SMURF2: variants seen among roughly 807,000 people sequenced by gnomAD.
SMURF2 encodes the protein E3 ubiquitin-protein ligase SMURF2.
In SMURF2, 48 loss-of-function variants were observed where a neutral mutation model predicts 109.6. The observed-to-expected ratio is 0.44, with a 90% CI of 0.35 to 0.56. SMURF2 has a LOEUF of 0.56. Ranked by LOEUF, SMURF2 falls within the 20% of genes least tolerant of loss-of-function variation. The pLI is 0.01. For synonymous variants in SMURF2, 288 were observed against 317.1 expected (o/e 0.91, Z 0.97); for missense variants, 575 against 909.0 (o/e 0.63, Z 4.72).
chr17:64,608,748 T>C (rs933021266), intron 1 of SMURF2, among the ~76,000 whole-genome samples: 1 of 152,158 alleles, frequency 6.6e-6, no homozygotes, highest in Non-Finnish European at 1.5e-5. Flanking sequence ...TTCCTTCCAC[T>C]GACAATGTCT....
rs974912323 is a variant in SMURF2 at position 64,547,202 on chromosome 17, T to G, written c.2071+398A>C. The stretch of plus-strand genomic sequence containing the variant: ...GATGGTTTCCATGACCCATGCTGCT[T>G]CTGTCTAATAAGAGAAAGAACGAAA... On this transcript the variant is annotated intron_variant, in intron 17 of 18. Coordinates refer to ENST00000262435, the MANE Select transcript of SMURF2 (RefSeq NM_022739.4). The surrounding 1 kb of genome is among the most constrained non-coding windows in gnomAD (Gnocchi z 4.2). Among the ~76,000 whole-genome samples the G allele has an allele frequency of 6.6e-6, 1 of 152,200 alleles. No individual in the cohort carries two copies. Among genetic ancestry groups the G allele is most frequent in the African/African-American group, 2.4e-5 (1 of 41,432 alleles).
intron 16 of SMURF2, among the ~76,000 whole-genome samples, chr17:64,550,679 C>T (rs1969031092): frequency 6.7e-6 from 1 of 148,600 alleles, no homozygotes; most frequent in Admixed American, 7.1e-5. Context: ...ACTTGGGAGG[C>T]TGAGGCAGGA....
intron 3 of SMURF2, among the ~76,000 whole-genome samples, chr17:64,595,260 T>C (rs1161497011): frequency 6.6e-6 from 1 of 152,250 alleles, no homozygotes; most frequent in African/African-American, 2.4e-5. Context: ...CTAAAAATTA[T>C]GAAATATATT....
Position 64,606,626 on chromosome 17 carries a change from T to A in SMURF2, c.67A>T (p.Asn23Tyr), listed in dbSNP as rs1555689076. ...CGGAAAAAATCCTTTTTCACCAGGT[T>A]TTTTGCACAGAGTACTGTAAAAAAA... ...KLRLTVLCAK[N>Y]LVKKDFFRLP... is the part of the protein sequence containing the mutation. The change falls in exon 2 of 19, where the codon AAC becomes TAC. Residue 23 changes from asparagine to tyrosine, a missense_variant. By Grantham distance (143) the Asn-to-Tyr change is moderately radical. Around this residue, in one of 5 missense-constraint regions of SMURF2, gnomAD observed 30 missense variants for 34.5 expected, o/e 0.87. Coordinates refer to ENST00000262435, the MANE Select transcript of SMURF2 (RefSeq NM_022739.4). The A allele has an allele frequency of 6.4e-7, 1 of 1,552,300 alleles. No homozygotes were observed. The highest frequency in any genetic ancestry group is 1.9e-5 in the Admixed American group (1 of 51,320).
At chr17:64,608,043 A>AAATAAATAAATAAATC (rs1401811277) in intron 1 of SMURF2, among the ~76,000 whole-genome samples, 6 of 148,824 alleles carry the variant, frequency 4.0e-5, no homozygotes, top group Non-Finnish European at 5.9e-5. Context: ...ATAAATAAAT[A>AAATAAATAAATAAATC]AATCTGCTTA....
intron 1 of SMURF2, among the ~76,000 whole-genome samples, chr17:64,632,711 A>T (rs532814098): frequency 6.6e-6 from 1 of 152,356 alleles, no homozygotes; most frequent in South Asian, 2.1e-4. Context: ...AGACCTAAAC[A>T]ATTTAGGAAG....
At chr17:64,596,038 ATTTT>A (rs199911606) in intron 3 of SMURF2, among the ~76,000 whole-genome samples, 1 of 148,674 alleles carries the variant, frequency 6.7e-6, no homozygotes, top group Non-Finnish European at 1.5e-5. Flanking sequence ...TAAACCACTG[ATTTT>A]TTTTTTTCTT....
At chr17:64,634,852 CAG>C (rs1970394585) in intron 1 of SMURF2, among the ~76,000 whole-genome samples, 1 of 152,152 alleles carries the variant, frequency 6.6e-6, no homozygotes, top group Non-Finnish European at 1.5e-5. Flanking sequence ...CTGGAGTTTA[CAG>C]AGTTTGGAGG....
chr17:64,634,370 G>A (rs1970387456), intron 1 of SMURF2, among the ~76,000 whole-genome samples: 1 of 152,084 alleles, frequency 6.6e-6, no homozygotes, highest in Non-Finnish European at 1.5e-5. Context: ...TGTGAGGTTG[G>A]GTAAGAACAC....
intron 8 of SMURF2, among the ~76,000 whole-genome samples, chr17:64,579,313 C>A (rs1555686319): frequency 2.0e-5 from 3 of 151,606 alleles, no homozygotes; most frequent in Non-Finnish European, 4.4e-5. Context: ...ACAACAGAAC[C>A]ACTTTTCTTT....
intron 16 of SMURF2, among the ~76,000 whole-genome samples, chr17:64,549,972 T>A (rs1555683463): frequency 6.6e-6 from 1 of 152,222 alleles, no homozygotes; most frequent in African/African-American, 2.4e-5. Flanking sequence ...ATTATGGGTG[T>A]ATTTAATGAC....
chr17:64,621,788 T>C (rs1423789930), intron 1 of SMURF2, among the ~76,000 whole-genome samples: 1 of 150,800 alleles, frequency 6.6e-6, no homozygotes, highest in African/African-American at 2.5e-5. Context: ...GCAGGAGAAT[T>C]GCTTGAACCG....
At chr17:64,617,355 G>A (rs1211902327) in intron 1 of SMURF2, among the ~76,000 whole-genome samples, 1 of 152,056 alleles carries the variant, frequency 6.6e-6, no homozygotes, top group African/African-American at 2.4e-5. Context: ...TCAGTACCTG[G>A]CAAGTAGTTA....
intron 12 of SMURF2, among the ~76,000 whole-genome samples, 169 bp from the exon 13 acceptor site, chr17:64,557,891 T>A (rs1555684180): frequency 6.6e-6 from 1 of 152,140 alleles, no homozygotes; most frequent in East Asian, 1.9e-4. Flanking sequence ...CGTACCCAAA[T>A]AGCATATAAA....
At chr17:64,649,720 T>C (rs145121828) in intron 1 of SMURF2, among the ~76,000 whole-genome samples, 95 of 152,174 alleles carry the variant, frequency 6.2e-4, no homozygotes, top group African/African-American at 2.2e-3. Flanking sequence ...GGTGCGTGCC[T>C]GTAGTCCCAG....
chr17:64,543,500 C>T lies in SMURF2; in HGVS notation c.*2348G>A, dbSNP rs1446630065. The T allele has an allele frequency of 6.6e-5, 10 of 152,122 alleles. No individual in the cohort carries two copies. Among genetic ancestry groups the T allele is most frequent in the African/African-American group, 2.4e-4 (10 of 41,408 alleles). 9.4% of individuals were successfully genotyped at this position (152,122 alleles called of 1,614,324 possible). A position where few individuals can be genotyped will look rare whatever the true frequency, so the allele number is the denominator to read the frequency against. ...CGTTGGCCAGGCTGGTCTCGAACTC[C>T]TGACCTCAGGTGATCCGCCCACCTC... On this transcript the variant is annotated 3_prime_UTR_variant, in exon 19 of 19. Coordinates refer to ENST00000262435, the MANE Select transcript of SMURF2 (RefSeq NM_022739.4).
intron 2 of SMURF2, among the ~76,000 whole-genome samples, chr17:64,603,297 G>A (rs1969922790): frequency 1.3e-5 from 2 of 151,904 alleles, no homozygotes; most frequent in South Asian, 4.1e-4. Flanking sequence ...AACAGATAAT[G>A]AAGGCAGGGC....
intron 1 of SMURF2, among the ~76,000 whole-genome samples, chr17:64,622,366 C>T (rs1166427176): frequency 6.6e-6 from 1 of 152,042 alleles, no homozygotes; most frequent in East Asian, 1.9e-4. Flanking sequence ...TAATATTATA[C>T]ATTAATTAAA....
At chr17:64,583,570 G>A in intron 6 of SMURF2, 26 bp from the exon 7 acceptor site, 2 of 1,570,616 alleles carry the variant, frequency 1.3e-6, no homozygotes, top group Non-Finnish European at 1.8e-6. Flanking sequence ...TGAGTGATAA[G>A]GCATTAATAG....
Sources: allele counts gnomAD v4.1 joint callset (sites outside exome capture counted in the v4.1 genomes callset), GRCh38; gene constraint gnomAD v4.1.1; regional missense constraint gnomAD v4.1.1; non-coding constraint Gnocchi (gnomAD v3.1); transcripts MANE v1.5; gene names NCBI Gene and HGNC (gene_info 2026-07-23, HGNC 2026-07-21).